The following PRKG1 variants were observed in gnomAD, a reference collection of about 807,000 sequenced individuals.
PRKG1 encodes protein kinase cGMP-dependent 1.
In PRKG1, 35 loss-of-function variants were observed where a neutral mutation model predicts 88.1. That is an observed-to-expected ratio of 0.40 (90% CI 0.30 to 0.53). PRKG1 has a LOEUF of 0.53. PRKG1 is among the 20% of genes least tolerant of loss of function. The probability of loss-of-function intolerance (pLI) is 0.59; values close to 1 mark genes in which losing one functional copy is unlikely to be tolerated. For synonymous variants in PRKG1, 303 were observed against 292.5 expected, an observed-to-expected ratio of 1.04 and a Z score of -0.37; for missense variants, 540 against 839.8, an observed-to-expected ratio of 0.64 and a Z score of 4.41.
At chr10:51,809,707 T>A (rs1839402282) in intron 4 of PRKG1, among the ~76,000 whole-genome samples, 1 of 152,162 alleles carries the variant, frequency 6.6e-6, no homozygotes, top group Non-Finnish European at 1.5e-5. Flanking sequence ...ACACAGTAGA[T>A]CCTGTTCACC....
intron 2 of PRKG1, among the ~76,000 whole-genome samples, chr10:51,169,193 A>G (rs1377852753): frequency 6.6e-6 from 1 of 152,160 alleles, no homozygotes; most frequent in Non-Finnish European, 1.5e-5. Context: ...AAGTCTCAGT[A>G]CAATAACTTC....
At chr10:51,228,005 A>G (rs1243651427) in intron 2 of PRKG1, among the ~76,000 whole-genome samples, 1 of 148,338 alleles carries the variant, frequency 6.7e-6, no homozygotes, top group Non-Finnish European at 1.5e-5. Context: ...TTCTTTAGGG[A>G]TTTTTGGAGG....
intron 7 of PRKG1, among the ~76,000 whole-genome samples, chr10:52,123,538 C>T (rs553732719): frequency 6.6e-6 from 1 of 152,128 alleles, no homozygotes; most frequent in African/African-American, 2.4e-5. Context: ...ATACATTGAC[C>T]TTTATGCATT....
chr10:52,126,562 T>A (rs927257395), intron 7 of PRKG1, among the ~76,000 whole-genome samples: 1 of 152,172 alleles, frequency 6.6e-6, no homozygotes, highest in African/African-American at 2.4e-5. Context: ...CCCAGGCTGG[T>A]CTCAGACTCT....
At chr10:51,008,157 G>GT (rs1842959386) in intron 1 of PRKG1, among the ~76,000 whole-genome samples, 1 of 152,178 alleles carries the variant, frequency 6.6e-6, no homozygotes, top group Non-Finnish European at 1.5e-5. Flanking sequence ...ACTGTAGTAC[G>GT]TATAAACATC....
At chr10:51,619,546 A>G (rs1481642819) in intron 3 of PRKG1, among the ~76,000 whole-genome samples, 1 of 152,218 alleles carries the variant, frequency 6.6e-6, no homozygotes, top group African/African-American at 2.4e-5. Context: ...TCAGTTTGAT[A>G]GCTGTGGAGG....
chr10:51,910,079 A>C (rs1842183365), intron 5 of PRKG1: 1 of 152,208 alleles, frequency 6.6e-6, no homozygotes, highest in African/African-American at 2.4e-5. Context: ...AGGATGCAGA[A>C]AGCAAGTATG....
At chr10:52,270,788 T>A (rs1841705699) in intron 10 of PRKG1, among the ~76,000 whole-genome samples, 1 of 151,600 alleles carries the variant, frequency 6.6e-6, no homozygotes, top group Non-Finnish European at 1.5e-5. Flanking sequence ...AGTTAATGGG[T>A]GCAGCACACC....
At chr10:51,290,209 C>T (rs1485438081) in intron 2 of PRKG1, among the ~76,000 whole-genome samples, 1 of 151,918 alleles carries the variant, frequency 6.6e-6, no homozygotes, top group African/African-American at 2.4e-5. Context: ...TACTGCACTG[C>T]AGCCTGGAAC....
chr10:51,308,483 C>T (rs1841096718), intron 2 of PRKG1, among the ~76,000 whole-genome samples: 1 of 152,128 alleles, frequency 6.6e-6, no homozygotes. Flanking sequence ...AAGCAGTTAG[C>T]TGATGTTATT....
intron 4 of PRKG1, among the ~76,000 whole-genome samples, chr10:51,816,427 A>C: frequency 6.6e-6 from 1 of 152,272 alleles, no homozygotes; most frequent in Non-Finnish European, 1.5e-5. Context: ...AGTAATGTCA[A>C]TTGGTGAATA....
intron 2 of PRKG1, among the ~76,000 whole-genome samples, chr10:51,368,297 G>C (rs906962160): frequency 6.6e-6 from 1 of 151,494 alleles, no homozygotes. Context: ...ACTTTTTTTC[G>C]TCTTCCTTGT....
At chr10:51,568,401 AT>A (rs1428623453) in intron 3 of PRKG1, 3 of 150,024 alleles carry the variant, frequency 2.0e-5, no homozygotes, top group African/African-American at 7.6e-5. Context: ...ATATTTTTTA[AT>A]TGTTGTTTTA....
intron 2 of PRKG1, among the ~76,000 whole-genome samples, chr10:51,432,216 T>C (rs1335754828): frequency 1.3e-5 from 2 of 152,204 alleles, no homozygotes; most frequent in East Asian, 3.9e-4. Flanking sequence ...AATTTTTTAT[T>C]GCTCAGACTA....
intron 1 of PRKG1, among the ~76,000 whole-genome samples, chr10:51,078,820 T>C (rs1844035069): frequency 6.6e-6 from 1 of 152,018 alleles, no homozygotes; most frequent in African/African-American, 2.4e-5. Flanking sequence ...GGTTTCACAG[T>C]GTTACCAGGA....
chr10:51,359,882 A>G (rs1337739961), intron 2 of PRKG1, among the ~76,000 whole-genome samples: 1 of 151,950 alleles, frequency 6.6e-6, no homozygotes, highest in African/African-American at 2.4e-5. Context: ...GACTGGTATT[A>G]AATTCTGGGC....
At chr10:51,533,377 A>G (rs1434389268) in intron 3 of PRKG1, among the ~76,000 whole-genome samples, 1 of 152,202 alleles carries the variant, frequency 6.6e-6, no homozygotes, top group Admixed American at 6.5e-5. Context: ...AAAAGATCAG[A>G]TAATTTGCCT....
At chr10:51,060,680 T>A (rs535199675) in intron 1 of PRKG1, among the ~76,000 whole-genome samples, 4 of 152,180 alleles carry the variant, frequency 2.6e-5, no homozygotes. Context: ...CTCATATTTG[T>A]CCTTTCTATG....
chr10:52,245,270 A>G (rs1269505688), intron 9 of PRKG1, among the ~76,000 whole-genome samples: 3 of 152,104 alleles, frequency 2.0e-5, no homozygotes, highest in Non-Finnish European at 4.4e-5. Flanking sequence ...CTTTGGTTAC[A>G]TAAAAAATGA....
Sources: allele counts gnomAD v4.1 joint callset (sites outside exome capture counted in the v4.1 genomes callset), GRCh38; gene constraint gnomAD v4.1.1; transcripts MANE v1.5; gene names NCBI Gene and HGNC (gene_info 2026-07-23, HGNC 2026-07-21).